Variants in PRKX observed in about 807,000 individuals in gnomAD.
PRKX encodes the protein cAMP-dependent protein kinase catalytic subunit PRKX.
In PRKX, 12 loss-of-function variants were observed where a neutral mutation model predicts 22.0. The ratio of observed to expected loss-of-function variants is 0.54; its 90% CI spans 0.35 to 0.88. The LOEUF (loss-of-function observed/expected upper bound fraction) is 0.88. Ranked by LOEUF, PRKX falls within the 40% of genes least tolerant of loss-of-function variation. PRKX has a pLI of 0.01. For missense variants in PRKX, 217 were observed against 308.0 expected, an observed-to-expected ratio of 0.70 and a Z score of 2.21; for synonymous variants, 134 against 137.7, an observed-to-expected ratio of 0.97 and a Z score of 0.19.
In PRKX at chrX:3,712,991, C is replaced by T. The variant is rs866063977; in HGVS notation, c.166+97G>A. ...AGCCGAAGTAGCGGGTCAGGGCCCT[C>T]CCCAGGAGGTCGGCACCCAGGGCCC... is the stretch of plus-strand genomic sequence containing the variant. On this transcript the variant is annotated intron_variant, in intron 1 of 8. Coordinates refer to ENST00000262848, the MANE Select transcript of PRKX (RefSeq NM_005044.5). 7 of 994,721 alleles carry T rather than the reference C, an allele frequency of 7.0e-6. No individual in the cohort carries two copies. The Middle Eastern group carries it at 1.1e-3, about 152-fold the overall frequency. 82.0% of individuals were successfully genotyped at this position (994,721 alleles called of 1,213,427 possible).
At position 3,657,365 on chromosome X, in the gene PRKX, GACACAGACAC is replaced by G. The variant is rs1927501195; in HGVS notation, c.336-1963_336-1954del. On this transcript the variant is annotated intron_variant, in intron 2 of 8. Coordinates refer to ENST00000262848, the MANE Select transcript of PRKX (RefSeq NM_005044.5). ...TGGAGTCCTAAGAAGAGGAGATGAG[GACACAGACAC>G]ACACAGAGGGACGACCACGTGAGGA... Among the ~76,000 whole-genome samples, 9 of 111,067 alleles carry G rather than the reference GACACAGACAC, an allele frequency of 8.1e-5. No individual in the cohort carries two copies. In the South Asian group the frequency reaches 3.5e-3, roughly 43 times the overall value.
chrX:3,685,474 T>C (rs12387087), intron 1 of PRKX, among the ~76,000 whole-genome samples: 21,352 of 110,666 alleles, frequency 0.19, 2,901 homozygotes, highest in African/African-American at 0.49. Flanking sequence ...CAAATAGGGA[T>C]CATAATCTTT....
At chrX:3,711,108 T>C (rs888189225) in intron 1 of PRKX, among the ~76,000 whole-genome samples, 1 of 111,364 alleles carries the variant, frequency 9.0e-6, no homozygotes, top group Non-Finnish European at 1.9e-5. Context: ...TTGCAGATAA[T>C]GTCACCAAAG....
intron 1 of PRKX, among the ~76,000 whole-genome samples, chrX:3,692,128 GGGGAGAGAGA>G (rs1295543080): frequency 1.9e-5 from 2 of 106,449 alleles, no homozygotes; most frequent in African/African-American, 6.9e-5. Context: ...GGGGAGAGAG[GGGGAGAGAGA>G]GAGAGAGACA....
At chrX:3,670,703 C>A (rs1344708868) in intron 2 of PRKX, among the ~76,000 whole-genome samples, 3 of 110,759 alleles carry the variant, frequency 2.7e-5, no homozygotes, top group Non-Finnish European at 5.7e-5. Flanking sequence ...CCCCACCACA[C>A]CCAGCTAATT....
chrX:3,697,042 AACAG>A (rs202241923), intron 1 of PRKX, among the ~76,000 whole-genome samples: 1 of 78,789 alleles, frequency 1.3e-5, no homozygotes, highest in East Asian at 3.0e-4. Flanking sequence ...AGAACAAACA[AACAG>A]ACAAACAAAC....
At chrX:3,642,580 C>T (rs1465933898) in intron 3 of PRKX, among the ~76,000 whole-genome samples, 2 of 110,690 alleles carry the variant, frequency 1.8e-5, no homozygotes, top group Non-Finnish European at 3.8e-5. Context: ...TACAGTTTAC[C>T]CATGTAACAA....
At chrX:3,654,509 C>T (rs1210594388) in intron 3 of PRKX, among the ~76,000 whole-genome samples, 7 of 85,648 alleles carry the variant, frequency 8.2e-5, no homozygotes, top group Non-Finnish European at 1.5e-4. Flanking sequence ...GGATCTTGCT[C>T]TTTTACCCAG....
At position 3,676,519 on chromosome X, in the gene PRKX, AACATGGT is replaced by A. The variant is rs757062575; in HGVS notation, c.167-1760_167-1754del. On this transcript the variant is annotated intron_variant, in intron 1 of 8. Transcript: ENST00000262848. ...CGTCCAAGGGCAAATGGATAAAGAA[AACATGGT>A]ACATATACACGATGGAATACCATTC... is the stretch of plus-strand genomic sequence containing the variant. Among the ~76,000 whole-genome samples, 42 of 112,417 alleles carry A rather than the reference AACATGGT, an allele frequency of 3.7e-4. 1 individual carries two copies. The East Asian group carries it at 0.011, about 29-fold the overall frequency.
chrX:3,674,088 C>A (rs759496299), intron 2 of PRKX, among the ~76,000 whole-genome samples: 44 of 111,235 alleles, frequency 4.0e-4, no homozygotes, highest in Non-Finnish European at 7.2e-4. Context: ...GACTATCACA[C>A]CTACCCTAGG....
chrX:3,690,809 C>T (rs2146604910), intron 1 of PRKX, among the ~76,000 whole-genome samples: 1 of 111,100 alleles, frequency 9.0e-6, no homozygotes, highest in South Asian at 3.8e-4. Context: ...TCTCCCACAA[C>T]ACTAACAGAT....
At chrX:3,671,854 G>A (rs1927852621) in intron 2 of PRKX, among the ~76,000 whole-genome samples, 1 of 110,756 alleles carries the variant, frequency 9.0e-6, no homozygotes, top group Non-Finnish European at 1.9e-5. Context: ...TAGGTGTGGT[G>A]GTGCACACCT....
intron 1 of PRKX, among the ~76,000 whole-genome samples, chrX:3,676,437 C>A (rs144117285): frequency 8.4e-4 from 94 of 111,701 alleles, no homozygotes; most frequent in African/African-American, 2.9e-3. Flanking sequence ...ACCTGCACTC[C>A]CATGTTTATG....
At chrX:3,624,517 G>A (rs776766268) in intron 5 of PRKX, among the ~76,000 whole-genome samples, 4 of 110,833 alleles carry the variant, frequency 3.6e-5, no homozygotes, top group Non-Finnish European at 5.7e-5. Context: ...CTTTGATTAC[G>A]CTTCTGGTTT....
chrX:3,690,556 AC>A (rs1328928256), intron 1 of PRKX, among the ~76,000 whole-genome samples: 2 of 111,005 alleles, frequency 1.8e-5, no homozygotes, highest in African/African-American at 6.6e-5. Flanking sequence ...ACAAAGCAAA[AC>A]CCCATCTCTA....
At chrX:3,630,420 C>A (rs764116083) in intron 4 of PRKX, among the ~76,000 whole-genome samples, 1 of 111,185 alleles carries the variant, frequency 9.0e-6, no homozygotes, top group African/African-American at 3.3e-5. Context: ...ATTAGCCAGG[C>A]GTGGTGGCGG....
intron 3 of PRKX, among the ~76,000 whole-genome samples, chrX:3,648,633 T>TGTGTGTGTGTGTGTGTGCGC (rs1927243124): frequency 9.5e-6 from 1 of 105,472 alleles, no homozygotes; most frequent in African/African-American, 3.5e-5. Flanking sequence ...TGTGTGTGTG[T>TGTGTGTGTGTGTGTGTGCGC]GTGTGTGTGT....
chrX:3,621,430 A>G (rs1926555462), intron 5 of PRKX, 114 bp from the exon 6 acceptor site: 3 of 666,581 alleles, frequency 4.5e-6, no homozygotes, highest in Non-Finnish European at 6.8e-6. Flanking sequence ...CCGCAGTTCA[A>G]TTTCCACTTT....
intron 1 of PRKX, among the ~76,000 whole-genome samples, chrX:3,699,509 C>T (rs962538311): frequency 1.5e-4 from 16 of 110,226 alleles, no homozygotes; most frequent in Non-Finnish European, 2.7e-4. Flanking sequence ...CCTGCCACCA[C>T]GCCCAGCTAT....
Sources: allele counts gnomAD v4.1 joint callset (sites outside exome capture counted in the v4.1 genomes callset), GRCh38; gene constraint gnomAD v4.1.1; transcripts MANE v1.5; gene names NCBI Gene and HGNC (gene_info 2026-07-23, HGNC 2026-07-21).